DDX60: variants seen among roughly 807,000 people sequenced by gnomAD.
DDX60 encodes the protein probable ATP-dependent RNA helicase DDX60.
DDX60 carries 165 observed loss-of-function variants against 212.8 expected under a neutral mutation model. That is an observed-to-expected ratio of 0.78 (90% CI 0.68 to 0.88). The LOEUF (loss-of-function observed/expected upper bound fraction) is 0.88. DDX60 is among the 40% of genes least tolerant of loss of function. The probability of loss-of-function intolerance (pLI) is 0.00; values close to 1 mark genes in which losing one functional copy is unlikely to be tolerated. For missense variants in DDX60, 1,905 were observed against 2,003.9 expected (o/e 0.95, Z 0.94); for synonymous variants, 703 against 685.3 (o/e 1.03, Z -0.40).
intron 33 of DDX60, among the ~76,000 whole-genome samples, chr4:168,233,992 T>G (rs1733546085): frequency 6.6e-6 from 1 of 152,158 alleles, no homozygotes; most frequent in African/African-American, 2.4e-5. Flanking sequence ...TATATATCAA[T>G]GATTGCATGT....
intron 8 of DDX60, among the ~76,000 whole-genome samples, chr4:168,290,483 C>A (rs1264878236): frequency 1.3e-5 from 2 of 151,946 alleles, no homozygotes; most frequent in Non-Finnish European, 2.9e-5. Context: ...TGCCTACCAC[C>A]ATGCCTGGCT....
At chr4:168,228,943 A>C (rs1301587599) in intron 33 of DDX60, among the ~76,000 whole-genome samples, 1 of 152,258 alleles carries the variant, frequency 6.6e-6, no homozygotes, top group Non-Finnish European at 1.5e-5. Context: ...AGTTATTTTA[A>C]TTGAGCACAT....
At chr4:168,314,821 A>C (rs1489280747) in intron 1 of DDX60, among the ~76,000 whole-genome samples, 2 of 152,218 alleles carry the variant, frequency 1.3e-5, no homozygotes, top group Non-Finnish European at 2.9e-5. Context: ...TTAAACTAAT[A>C]TACTAATATT....
chr4:168,236,037 CT>C (rs559818728), intron 33 of DDX60: 16 of 436,788 alleles, frequency 3.7e-5, no homozygotes, highest in East Asian at 2.1e-4. Flanking sequence ...TGTTTATCCT[CT>C]TTTTTTTCAC....
the DDX60 span, among the ~76,000 whole-genome samples, chr4:168,324,092 T>C: frequency 6.6e-6 from 1 of 152,144 alleles, no homozygotes; most frequent in East Asian, 1.9e-4. Context: ...AGACCACCTC[T>C]TTCTACAAGT....
chr4:168,297,257 AAGAAAGAAAG>A (rs1736388858), intron 6 of DDX60, among the ~76,000 whole-genome samples: 1 of 146,028 alleles, frequency 6.8e-6, no homozygotes, highest in African/African-American at 2.7e-5. Flanking sequence ...CAGGGCTGGA[AAGAAAGAAAG>A]AAAAAGAAAG....
At chr4:168,274,761 A>G (rs1310491107) in intron 16 of DDX60, among the ~76,000 whole-genome samples, 3 of 133,898 alleles carry the variant, frequency 2.2e-5, no homozygotes. Flanking sequence ...CCCCACCATC[A>G]TAAGAAAGAT....
At chr4:168,323,713 A>G (rs1737648222), upstream of DDX60, among the ~76,000 whole-genome samples, 2 of 152,212 alleles carry the variant, frequency 1.3e-5, no homozygotes. Context: ...ATCAGTAAGA[A>G]AGGAGATTTC....
the DDX60 span, among the ~76,000 whole-genome samples, chr4:168,324,681 A>G: frequency 6.6e-6 from 1 of 152,244 alleles, no homozygotes; most frequent in Non-Finnish European, 1.5e-5. Flanking sequence ...AGTTCGCCAA[A>G]TAATTTTCAG....
rs376026763 is a variant in DDX60 at position 168,219,239 on chromosome 4, C to T, written c.5039+1416G>A. On this transcript the variant is annotated intron_variant, in intron 37 of 37. Transcript: ENST00000393743. ...CCTGGGAGGTGAGGTTGCAGTGAGC[C>T]GAGATCGCAACACTTCACTCCAGCC... Among the ~76,000 whole-genome samples, 54 of 151,160 alleles carry T rather than the reference C, an allele frequency of 3.6e-4. No homozygotes were observed. In the East Asian group the frequency reaches 8.9e-3, roughly 25 times the overall value.
At chr4:168,231,367 T>C (rs1216289079) in intron 33 of DDX60, among the ~76,000 whole-genome samples, 2 of 151,290 alleles carry the variant, frequency 1.3e-5, no homozygotes, top group Admixed American at 6.6e-5. Flanking sequence ...GAAGCCAATA[T>C]CATCTTAATG....
intron 35 of DDX60, among the ~76,000 whole-genome samples, chr4:168,223,301 TATTA>T (rs1419385714): frequency 2.0e-5 from 3 of 151,458 alleles, no homozygotes; most frequent in East Asian, 4.0e-4. Flanking sequence ...AAACTAATTT[TATTA>T]ATTAAAATAA....
chr4:168,268,588 A>C (rs376251412), intron 20 of DDX60, among the ~76,000 whole-genome samples: 2 of 152,238 alleles, frequency 1.3e-5, no homozygotes, highest in South Asian at 4.1e-4. Flanking sequence ...AAACAAAAAT[A>C]TATCTTTTCT....
intron 26 of DDX60, among the ~76,000 whole-genome samples, chr4:168,253,805 A>AG (rs1734308018): frequency 6.6e-6 from 1 of 152,182 alleles, no homozygotes; most frequent in African/African-American, 2.4e-5. Context: ...CTCCTCCGTA[A>AG]ACCCTGGCTT....
intron 3 of DDX60, among the ~76,000 whole-genome samples, chr4:168,310,302 C>T (rs927533467): frequency 2.6e-5 from 4 of 152,062 alleles, no homozygotes; most frequent in Admixed American, 6.6e-5. Flanking sequence ...AAAGAATTGT[C>T]AATGCTATGG....
At chr4:168,276,315 A>G in intron 14 of DDX60, 134 bp from the exon 15 acceptor site, 1 of 617,290 alleles carries the variant, frequency 1.6e-6, no homozygotes, top group South Asian at 2.8e-5. Context: ...AGAAAGGACC[A>G]AATAAAGTAA....
chr4:168,244,159 C>CT (rs1357564673), intron 30 of DDX60, among the ~76,000 whole-genome samples: 1 of 152,090 alleles, frequency 6.6e-6, no homozygotes, highest in East Asian at 1.9e-4. Flanking sequence ...ACGCTTAACA[C>CT]TTTGGTGATG....
At chr4:168,245,707 G>T (rs1050779125) in intron 30 of DDX60, among the ~76,000 whole-genome samples, 3 of 152,014 alleles carry the variant, frequency 2.0e-5, no homozygotes, top group South Asian at 2.1e-4. Context: ...GAAAGAACAG[G>T]TATCATTAAC....
chr4:168,300,580 A>ATGTGTGTGTGTGTG (rs59696275), intron 6 of DDX60, among the ~76,000 whole-genome samples: 28 of 146,412 alleles, frequency 1.9e-4, no homozygotes, highest in Admixed American at 1.4e-3. Flanking sequence ...TAACACCAGA[A>ATGTGTGTGTGTGTG]TGTGTGTGTG....
Sources: gnomAD v4.1 joint callset for allele counts (sites outside exome capture counted in the v4.1 genomes callset) on GRCh38, gnomAD v4.1.1 for gene constraint, MANE v1.5 for transcripts, NCBI Gene and HGNC (gene_info 2026-07-23, HGNC 2026-07-21) for gene names.